Variants in WDHD1 observed in about 807,000 individuals in gnomAD.
WDHD1 encodes WD repeat and HMG-box DNA binding protein 1.
In WDHD1, 111 loss-of-function variants were observed where a neutral mutation model predicts 135.4. The ratio of observed to expected loss-of-function variants is 0.82; its 90% CI spans 0.70 to 0.96. The LOEUF (loss-of-function observed/expected upper bound fraction) is 0.96, where lower values mean the gene tolerates loss of function less well. WDHD1 is among the 40% of genes least tolerant of loss of function. WDHD1 has a pLI of 0.00. For synonymous variants in WDHD1, 434 were observed against 439.0 expected (o/e 0.99, Z 0.14); for missense variants, 1,351 against 1,336.3 (o/e 1.01, Z -0.17).
At chr14:54,959,082 A>G (rs1021313819) in intron 21 of WDHD1, among the ~76,000 whole-genome samples, 2 of 152,162 alleles carry the variant, frequency 1.3e-5, no homozygotes, top group Non-Finnish European at 2.9e-5. Context: ...ATCTCTAATT[A>G]AGAGCTTTCC....
intron 2 of WDHD1, among the ~76,000 whole-genome samples, chr14:55,023,212 C>T (rs2042378467): frequency 6.6e-6 from 1 of 152,216 alleles, no homozygotes; most frequent in African/African-American, 2.4e-5. Flanking sequence ...CTACCTTTCA[C>T]TTTAAGTTGT....
chr14:55,020,515 T>A (rs1481774658), intron 2 of WDHD1, among the ~76,000 whole-genome samples: 1 of 152,242 alleles, frequency 6.6e-6, no homozygotes, highest in Non-Finnish European at 1.5e-5. Flanking sequence ...CTAAATATTT[T>A]GGAGTATCCT....
At chr14:54,999,825 T>C (rs2041950662) in intron 10 of WDHD1, among the ~76,000 whole-genome samples, 2 of 152,172 alleles carry the variant, frequency 1.3e-5, no homozygotes, top group Admixed American at 1.3e-4. Flanking sequence ...CAGGCTGATC[T>C]CAAACTCCTG....
At chr14:54,949,198 C>G (rs2040992812) in intron 24 of WDHD1, among the ~76,000 whole-genome samples, 1 of 151,970 alleles carries the variant, frequency 6.6e-6, no homozygotes, top group South Asian at 2.1e-4. Flanking sequence ...ACGATCAAAC[C>G]TCTCCGAGCT....
chr14:54,998,343 T>C (rs936084783), intron 10 of WDHD1, among the ~76,000 whole-genome samples: 1 of 152,134 alleles, frequency 6.6e-6, no homozygotes, highest in Non-Finnish European at 1.5e-5. Flanking sequence ...TTGGCCAGGC[T>C]GGTCTTGAAC....
Position 54,941,599 on chromosome 14 carries a change from T to C in WDHD1, c.3281A>G (p.Glu1094Gly). 6.2e-7 allele frequency: 1 copy of C among 1,614,090 alleles called. No homozygotes were observed. Residue 1094 changes from glutamate to glycine, a missense_variant, in exon 26 of 26, where the codon GAA (glutamate) becomes GGA (glycine). Physicochemically the swap from Glu to Gly is moderately conservative, Grantham distance 98. Coordinates refer to ENST00000360586, the MANE Select transcript of WDHD1 (RefSeq NM_007086.4). ...CTCTTTTGCTTTTTCTTCCTGGTTT[T>C]CTGTTTCATCACTTTCATCAACCAC... The part of the protein sequence containing the change: ...KRVVDESDET[E>G]NQEEKAKENL...
chr14:54,979,443 A>C (rs2140187295), intron 16 of WDHD1, among the ~76,000 whole-genome samples: 1 of 152,224 alleles, frequency 6.6e-6, no homozygotes, highest in Admixed American at 6.5e-5. Context: ...GGCGTGAGCC[A>C]CCTCGCCTGG....
intron 21 of WDHD1, 35 bp from the exon 22 acceptor site, chr14:54,957,670 T>C (rs375120584): frequency 1.9e-6 from 3 of 1,560,696 alleles, no homozygotes; most frequent in African/African-American, 1.4e-5. Flanking sequence ...TTAATAATGG[T>C]AGAAAATAGA....
chr14:54,989,925 A>AGTTG, intron 12 of WDHD1, among the ~76,000 whole-genome samples: 1 of 152,106 alleles, frequency 6.6e-6, no homozygotes, highest in Non-Finnish European at 1.5e-5. Context: ...TGGCCTCCCA[A>AGTTG]AGTGCTGGGA....
chr14:54,955,634 T>C lies in WDHD1; in HGVS notation c.2977A>G (p.Lys993Glu). ...AATACATTTTTAAGATTTTCTTCTT[T>C]CACTTCCTCAGTTTTATTAGTTTGA... ...NSQTNKTEEV[K>E]EENLKNVLSE... is the part of the protein sequence containing the mutation. The change falls in exon 24 of 26, where the codon AAA becomes GAA. Residue 993 changes from lysine to glutamate, a missense_variant. Around this residue, in one of 2 missense-constraint regions of WDHD1, gnomAD observed 1,330 missense variants for 1,296.1 expected, o/e 1.03. Coordinates refer to ENST00000360586, the MANE Select transcript of WDHD1 (RefSeq NM_007086.4). 2 of 1,592,572 alleles carry C rather than the reference T, an allele frequency of 1.3e-6. No homozygotes were observed. Among genetic ancestry groups the C allele is most frequent in the Non-Finnish European group, 1.7e-6 (2 of 1,172,220 alleles).
At chr14:54,995,571 G>T in intron 11 of WDHD1, 32 bp downstream of exon 11, 1 of 1,497,208 alleles carries the variant, frequency 6.7e-7, no homozygotes, top group Non-Finnish European at 9.0e-7. Flanking sequence ...TTAATCAACA[G>T]GGTAATCACA....
chr14:54,963,195 GGGGA>G, intron 18 of WDHD1, 23 bp from the exon 19 acceptor site: 1 of 575,502 alleles, frequency 1.7e-6, no homozygotes, highest in East Asian at 6.1e-5. Context: ...GGGGGGGGGG[GGGGA>G]GATCAAATAA....
intron 8 of WDHD1, 57 bp from the exon 9 acceptor site, chr14:55,001,049 CATTTT>C: frequency 9.1e-7 from 1 of 1,098,996 alleles, no homozygotes; most frequent in Non-Finnish European, 1.3e-6. Flanking sequence ...ACTAAATACT[CATTTT>C]ATTACCAAAT....
intron 2 of WDHD1, among the ~76,000 whole-genome samples, chr14:55,014,595 T>C (rs551170787): frequency 2.0e-4 from 30 of 152,226 alleles, no homozygotes; most frequent in Non-Finnish European, 3.5e-4. Flanking sequence ...TAACCATCTG[T>C]ATCTATCATA....
intron 7 of WDHD1, chr14:55,004,927 T>C (rs2042039671): frequency 1.9e-6 from 1 of 531,190 alleles, no homozygotes; most frequent in South Asian, 1.4e-5. Context: ...AACTGCTAAA[T>C]AGGCACAGAG....
At chr14:54,959,684 C>A (rs115758310) in intron 21 of WDHD1, among the ~76,000 whole-genome samples, 1 of 152,048 alleles carries the variant, frequency 6.6e-6, no homozygotes, top group East Asian at 1.9e-4. Context: ...AGGAGGATCA[C>A]CTGAGCATAC....
intron 23 of WDHD1, among the ~76,000 whole-genome samples, 196 bp from the exon 24 acceptor site, chr14:54,955,890 T>G (rs1461368164): frequency 6.9e-6 from 1 of 144,396 alleles, no homozygotes; most frequent in Non-Finnish European, 1.5e-5. Context: ...AGATTCCATG[T>G]TTTCCTTTTT....
chr14:55,016,672 C>G (rs1015123940), intron 2 of WDHD1, among the ~76,000 whole-genome samples: 1 of 152,178 alleles, frequency 6.6e-6, no homozygotes, highest in African/African-American at 2.4e-5. Context: ...TGAAATGTGG[C>G]TAATGTGACA....
intron 2 of WDHD1, among the ~76,000 whole-genome samples, chr14:55,022,295 G>A (rs552362821): frequency 3.5e-4 from 53 of 152,214 alleles, no homozygotes; most frequent in Admixed American, 2.6e-3. Flanking sequence ...TTCAAGGCCC[G>A]GGGGTTAGTA....
Sources: allele counts gnomAD v4.1 joint callset (sites outside exome capture counted in the v4.1 genomes callset), GRCh38; gene constraint gnomAD v4.1.1; regional missense constraint gnomAD v4.1.1; transcripts MANE v1.5; gene names NCBI Gene and HGNC (gene_info 2026-07-23, HGNC 2026-07-21).